The following IL22RA1 variants were observed in gnomAD, a reference collection of about 807,000 sequenced individuals.
IL22RA1 encodes the protein interleukin-22 receptor subunit alpha-1.
IL22RA1 carries 25 observed loss-of-function variants against 32.8 expected under a neutral mutation model. That is an observed-to-expected ratio of 0.76 (90% CI 0.55 to 1.06). The LOEUF is 1.06. Among genes scored for constraint, IL22RA1 ranks in the 50% least tolerant of loss-of-function variants. IL22RA1 has a pLI of 0.00. For missense variants in IL22RA1, 709 were observed against 727.4 expected (o/e 0.97, Z 0.29); for synonymous variants, 305 against 305.0 (o/e 1.00, Z 0.00).
At chr1:24,125,304 A>T (rs1644153314) in intron 5 of IL22RA1, among the ~76,000 whole-genome samples, 1 of 152,202 alleles carries the variant, frequency 6.6e-6, no homozygotes, top group Admixed American at 6.5e-5. Flanking sequence ...ACAGCTACTC[A>T]GTGGAGTTAC....
rs1171724848 is a variant in IL22RA1 at position 24,121,621 on chromosome 1, C to T, written c.909G>A (p.Gln303=). ...GCTCCCTGGGTCCAGACACCCTGAT[C>T]TGGGAGTACTGGACAGGCTGGGCCA... ...SSLAQPVQYS[Q]IRVSGPREPA... is the part of the protein sequence containing the mutation. The change falls in exon 7 of 7, where the codon CAG becomes CAA. Residue 303 remains glutamine (Q), a synonymous_variant. Coordinates refer to ENST00000270800, the MANE Select transcript of IL22RA1 (RefSeq NM_021258.4). 6.2e-7 allele frequency: 1 copy of T among 1,612,994 alleles called. No homozygotes were observed. Among genetic ancestry groups the T allele is most frequent in the Non-Finnish European group, 8.5e-7 (1 of 1,179,270 alleles).
At chr1:24,139,332 C>G (rs1301436030) in intron 1 of IL22RA1, among the ~76,000 whole-genome samples, 1 of 152,146 alleles carries the variant, frequency 6.6e-6, no homozygotes, top group Non-Finnish European at 1.5e-5. Context: ...TTTTGTTTAT[C>G]CACTCATCAG....
At chr1:24,137,084 G>A (rs905969269) in intron 3 of IL22RA1, 47 bp downstream of exon 3, 17 of 1,577,832 alleles carry the variant, frequency 1.1e-5, no homozygotes, top group Non-Finnish European at 1.4e-5. Context: ...GCAAACACCT[G>A]CGCTTTCCTC....
intron 1 of IL22RA1, among the ~76,000 whole-genome samples, chr1:24,140,845 C>T (rs1040712454): frequency 6.6e-6 from 1 of 152,246 alleles, no homozygotes. Flanking sequence ...GGGTCAAGGC[C>T]TTGCGGCCTG....
intron 6 of IL22RA1, 118 bp downstream of exon 6, chr1:24,123,184 G>T (rs772368129): frequency 2.2e-6 from 3 of 1,386,220 alleles, no homozygotes; most frequent in Non-Finnish European, 2.9e-6. Context: ...CGTGAATGGA[G>T]AGAGCAGGCC....
At chr1:24,136,992 C>T (rs1303579451) in intron 3 of IL22RA1, 139 bp downstream of exon 3, 12 of 768,290 alleles carry the variant, frequency 1.6e-5, no homozygotes, top group Non-Finnish European at 2.4e-5. Context: ...CTAAAAGCCA[C>T]ATCCCCAGCT....
At chr1:24,139,254 C>T (rs373146140) in intron 1 of IL22RA1, among the ~76,000 whole-genome samples, 6 of 152,224 alleles carry the variant, frequency 3.9e-5, no homozygotes, top group East Asian at 3.8e-4. Context: ...AAGGTTCACA[C>T]GTGTGGTAGC....
Position 24,134,253 on chromosome 1 carries a change from C to T in IL22RA1, c.489G>A (p.Leu163=). 1.2e-6 allele frequency: 2 copies of T among 1,611,920 alleles called. No individual in the cohort carries two copies. The highest frequency in any genetic ancestry group is 8.5e-7 in the Non-Finnish European group (1 of 1,178,940). The change falls in exon 4 of 7, where the codon CTG becomes CTA. Residue 163 remains leucine, a synonymous_variant. Coordinates refer to ENST00000270800, the MANE Select transcript of IL22RA1 (RefSeq NM_021258.4). ...TGACCTGGAGCTCTAAGTGGTAGAA[C>T]AGGTCATGGAAGATGTCTTCCAGGG... is the stretch of plus-strand genomic sequence containing the variant. The part of the protein sequence containing the change: ...RLTLEDIFHD[L]FYHLELQVNR...
At chr1:24,126,125 A>G (rs1344724817) in intron 5 of IL22RA1, among the ~76,000 whole-genome samples, 1 of 152,240 alleles carries the variant, frequency 6.6e-6, no homozygotes, top group African/African-American at 2.4e-5. Flanking sequence ...GAAGGGGGTC[A>G]TGAATCATAC....
intron 3 of IL22RA1, among the ~76,000 whole-genome samples, chr1:24,135,478 G>T (rs1323536359): frequency 6.6e-6 from 1 of 152,136 alleles, no homozygotes. Flanking sequence ...AAAGCTATGT[G>T]TGACTATAAA....
chr1:24,133,469 T>C lies in IL22RA1; in HGVS notation c.531+742A>G, dbSNP rs374156121. ...TTCATTTAACTGAATTGTGGATTGG[T>C]GGCACATGCTGAGGGTAGGGGGTAC... On this transcript the variant is annotated intron_variant, in intron 4 of 6. Coordinates refer to ENST00000270800, the MANE Select transcript of IL22RA1 (RefSeq NM_021258.4). Among the ~76,000 whole-genome samples, 1,023 of 152,274 alleles carry C rather than the reference T, an allele frequency of 6.7e-3. 20 individuals are homozygous for C. Among genetic ancestry groups the C allele is most frequent in the South Asian group, 0.062 (300 of 4,824 alleles).
Position 24,134,402 on chromosome 1 carries a change from G to C in IL22RA1, c.356-16C>G, listed in dbSNP as rs750340785. ...TTGAGGGTAGCTGGGGATAGGGAGA[G>C]AGAAAAGAGAAAAGAAAAAGTCAGA... is the stretch of plus-strand genomic sequence containing the variant. On this transcript the variant is annotated splice_polypyrimidine_tract_variant and intron_variant, in intron 3 of 6. Coordinates refer to ENST00000270800, the MANE Select transcript of IL22RA1 (RefSeq NM_021258.4). 1.4e-6 allele frequency: 2 copies of C among 1,451,702 alleles called. No homozygotes were observed. The highest frequency in any genetic ancestry group is 2.6e-5 in the East Asian group (1 of 38,580). 89.9% of individuals were successfully genotyped at this position (1,451,702 alleles called of 1,614,324 possible).
intron 5 of IL22RA1, among the ~76,000 whole-genome samples, chr1:24,126,973 C>A (rs569817603): frequency 6.7e-6 from 1 of 150,054 alleles, no homozygotes; most frequent in Admixed American, 6.7e-5. Flanking sequence ...GAGATCAAGA[C>A]CAGCCTGAGC....
At chr1:24,122,119 TG>T (rs1362492616) in intron 6 of IL22RA1, among the ~76,000 whole-genome samples, 1 of 151,874 alleles carries the variant, frequency 6.6e-6, no homozygotes, top group Admixed American at 6.6e-5. Context: ...AGGGTCAGGG[TG>T]GGAAAAGAAG....
chr1:24,121,455 C>A lies in IL22RA1; in HGVS notation c.1075G>T (p.Val359Phe). ...TGAGGTGCATAGGATGGGGGCCCGA[C>A]CTCAGGGGCAGCGTTTGGGGCATAG... Reference protein sequence around the residue: ...LSYAPNAAPEVGPPSYAPQVT... With the variant: ...LSYAPNAAPEFGPPSYAPQVT... Residue 359 changes from valine to phenylalanine, a missense_variant, in exon 7 of 7, where the codon GTC becomes TTC. Physicochemically the swap from Val to Phe is conservative, Grantham distance 50. Transcript: ENST00000270800. The A allele has an allele frequency of 6.5e-7, 1 of 1,544,732 alleles. No individual in the cohort carries two copies. Among genetic ancestry groups the A allele is most frequent in the Non-Finnish European group, 8.7e-7 (1 of 1,143,526 alleles).
Position 24,137,358 on chromosome 1 carries a change from G to A in IL22RA1, c.177-49C>T, listed in dbSNP as rs369494000. ...TCACCGTGGTGATGAAAAGGCCAGC[G>A]CTAGGCCTGTGGCTTATTAATAATG... On this transcript the variant is annotated intron_variant, in intron 2 of 6. Coordinates refer to ENST00000270800, the MANE Select transcript of IL22RA1 (RefSeq NM_021258.4). 99 of 1,560,640 alleles carry A rather than the reference G, an allele frequency of 6.3e-5. 1 individual carries two copies. In the South Asian group the frequency reaches 6.4e-4, roughly 10 times the overall value.
chr1:24,126,963 G>GAGATCA (rs1372568382), intron 5 of IL22RA1, among the ~76,000 whole-genome samples: 4 of 148,846 alleles, frequency 2.7e-5, no homozygotes, highest in Non-Finnish European at 5.9e-5. Context: ...TTGAGGCCAG[G>GAGATCA]AGATCAAGAC....
intron 3 of IL22RA1, among the ~76,000 whole-genome samples, chr1:24,136,480 G>T (rs1007825486): frequency 6.6e-6 from 1 of 150,416 alleles, no homozygotes; most frequent in Non-Finnish European, 1.5e-5. Context: ...CAGGTCATCA[G>T]GGCTGGAGGT....
chr1:24,141,609 T>C (rs1201272504), intron 1 of IL22RA1, among the ~76,000 whole-genome samples: 1 of 152,152 alleles, frequency 6.6e-6, no homozygotes, highest in Non-Finnish European at 1.5e-5. Flanking sequence ...GTGGGGTAAG[T>C]GAACCTAGGC....
Sources: gnomAD v4.1 joint callset for allele counts (sites outside exome capture counted in the v4.1 genomes callset) on GRCh38, gnomAD v4.1.1 for gene constraint, MANE v1.5 for transcripts, NCBI Gene and HGNC (gene_info 2026-07-23, HGNC 2026-07-21) for gene names.